The following CAMKMT variants were observed in gnomAD, a reference collection of about 807,000 sequenced individuals.
The protein encoded by CAMKMT is CaM KMT.
Under a neutral mutation model 48.0 loss-of-function variants are expected in CAMKMT, and 53 were observed. The ratio of observed to expected loss-of-function variants is 1.10; its 90% CI spans 0.89 to 1.39. The LOEUF is 1.39. CAMKMT is among the 40% of genes most tolerant of loss of function. The pLI is 0.00. For missense variants in CAMKMT, 428 were observed against 402.7 expected (o/e 1.06, Z -0.54); for synonymous variants, 165 against 152.3 (o/e 1.08, Z -0.61).
At chr2:44,603,672 C>G (rs1671126970) in intron 3 of CAMKMT, among the ~76,000 whole-genome samples, 1 of 152,138 alleles carries the variant, frequency 6.6e-6, no homozygotes, top group African/African-American at 2.4e-5. Context: ...TGATAAATTC[C>G]TGGAATTGGA....
At chr2:44,563,286 A>G (rs567080013) in intron 3 of CAMKMT, among the ~76,000 whole-genome samples, 4 of 151,772 alleles carry the variant, frequency 2.6e-5, no homozygotes, top group South Asian at 2.1e-4. Flanking sequence ...GTACTGTTTT[A>G]TAACCTGACT....
chr2:44,554,791 G>A (rs147842743), intron 3 of CAMKMT, among the ~76,000 whole-genome samples: 24 of 152,112 alleles, frequency 1.6e-4, no homozygotes, highest in Non-Finnish European at 3.1e-4. Flanking sequence ...TGGGAGAATC[G>A]CTTGAGCCCA....
intron 3 of CAMKMT, among the ~76,000 whole-genome samples, chr2:44,546,308 G>A (rs1247438278): frequency 6.6e-6 from 1 of 152,050 alleles, no homozygotes; most frequent in Non-Finnish European, 1.5e-5. Context: ...CCTTGTCCTG[G>A]AAATTCCAAC....
intron 3 of CAMKMT, among the ~76,000 whole-genome samples, chr2:44,483,490 T>C (rs371715712): frequency 4.6e-5 from 7 of 152,222 alleles, no homozygotes; most frequent in East Asian, 3.9e-4. Context: ...GTTTAGAGAG[T>C]GTATATGAGT....
intron 3 of CAMKMT, among the ~76,000 whole-genome samples, chr2:44,432,280 G>A (rs1032286300): frequency 6.6e-6 from 1 of 152,068 alleles, no homozygotes; most frequent in Non-Finnish European, 1.5e-5. Flanking sequence ...CCCTGCACAC[G>A]GGTAATAATA....
At chr2:44,604,173 A>G (rs1290171897) in intron 3 of CAMKMT, among the ~76,000 whole-genome samples, 1 of 152,218 alleles carries the variant, frequency 6.6e-6, no homozygotes, top group Non-Finnish European at 1.5e-5. Flanking sequence ...AATTAGAGGT[A>G]CAATTTAGAA....
chr2:44,698,191 T>G (rs1677065732), intron 3 of CAMKMT, among the ~76,000 whole-genome samples: 1 of 152,200 alleles, frequency 6.6e-6, no homozygotes, highest in Non-Finnish European at 1.5e-5. Flanking sequence ...GTCACCACAA[T>G]TTTAGAATAT....
chr2:44,363,934 A>C (rs1678313219), intron 1 of CAMKMT, among the ~76,000 whole-genome samples: 1 of 148,040 alleles, frequency 6.8e-6, no homozygotes, highest in Non-Finnish European at 1.5e-5. Flanking sequence ...CAGGTGATTC[A>C]CTTGCCTCGC....
At position 44,718,159 on chromosome 2, in the gene CAMKMT, A is replaced by G. The variant is rs1678271077; in HGVS notation, c.623+2806A>G. On this transcript the variant is annotated intron_variant, in intron 7 of 10. Coordinates refer to ENST00000378494, the MANE Select transcript of CAMKMT (RefSeq NM_024766.5). ...GAGGCTCTGACGCTGAACCTTCATT[A>G]GCTTCACAGTCAATCCACCTCTGCT... is the stretch of plus-strand genomic sequence containing the variant. Among the ~76,000 whole-genome samples the G allele has an allele frequency of 2.0e-5, 3 of 152,196 alleles. No individual in the cohort carries two copies. In the South Asian group the frequency reaches 6.2e-4, roughly 32 times the overall value.
chr2:44,683,331 G>A (rs1273150235), intron 3 of CAMKMT, among the ~76,000 whole-genome samples: 1 of 152,124 alleles, frequency 6.6e-6, no homozygotes, highest in Non-Finnish European at 1.5e-5. Flanking sequence ...TCCACAAGAT[G>A]CAAACTCAAA....
chr2:44,525,555 A>C (rs906214710), intron 3 of CAMKMT, among the ~76,000 whole-genome samples: 2 of 152,178 alleles, frequency 1.3e-5, no homozygotes, highest in African/African-American at 4.8e-5. Flanking sequence ...TGCTGGGCTG[A>C]GATATTCTTT....
At chr2:44,523,770 A>ATTTT (rs70937920) in intron 3 of CAMKMT, among the ~76,000 whole-genome samples, 4 of 89,878 alleles carry the variant, frequency 4.5e-5, no homozygotes, top group Admixed American at 1.3e-4. Context: ...GAGAGCGAGC[A>ATTTT]TTTTTTTTTT....
At chr2:44,579,529 G>C (rs1669425726) in intron 3 of CAMKMT, among the ~76,000 whole-genome samples, 1 of 152,226 alleles carries the variant, frequency 6.6e-6, no homozygotes, top group African/African-American at 2.4e-5. Flanking sequence ...TGGAAAGAAA[G>C]AGAATGCTGT....
chr2:44,408,748 A>G (rs1682958234), intron 3 of CAMKMT, among the ~76,000 whole-genome samples: 1 of 149,602 alleles, frequency 6.7e-6, no homozygotes, highest in Non-Finnish European at 1.5e-5. Flanking sequence ...TAATTAATTA[A>G]TTAATTTTTT....
intron 3 of CAMKMT, among the ~76,000 whole-genome samples, chr2:44,524,439 T>G (rs954304850): frequency 6.6e-6 from 1 of 152,176 alleles, no homozygotes; most frequent in African/African-American, 2.4e-5. Flanking sequence ...TTATTATTAT[T>G]GTTTTCCATT....
At chr2:44,635,018 A>C (rs1238036627) in intron 3 of CAMKMT, among the ~76,000 whole-genome samples, 1 of 152,190 alleles carries the variant, frequency 6.6e-6, no homozygotes, top group Non-Finnish European at 1.5e-5. Context: ...GGTTACAATG[A>C]ACTATACTTG....
intron 3 of CAMKMT, chr2:44,392,125 A>T (rs1353280076): frequency 6.6e-6 from 1 of 152,182 alleles, no homozygotes; most frequent in Non-Finnish European, 1.5e-5. Context: ...AATAAAGAAG[A>T]TAATATTATT....
At chr2:44,444,322 A>G (rs187189144) in intron 3 of CAMKMT, among the ~76,000 whole-genome samples, 28 of 152,342 alleles carry the variant, frequency 1.8e-4, no homozygotes, top group African/African-American at 6.5e-4. Context: ...TGTGAATGAC[A>G]GTATTATAAG....
At chr2:44,740,915 G>T (rs1378737413) in intron 7 of CAMKMT, among the ~76,000 whole-genome samples, 2 of 152,176 alleles carry the variant, frequency 1.3e-5, no homozygotes, top group African/African-American at 2.4e-5. Context: ...GAAAGAATGA[G>T]CTGTGAAAGA....
Sources: allele counts gnomAD v4.1 joint callset (sites outside exome capture counted in the v4.1 genomes callset), GRCh38; gene constraint gnomAD v4.1.1; transcripts MANE v1.5; gene names NCBI Gene and HGNC (gene_info 2026-07-23, HGNC 2026-07-21).